The following TRPM3 variants were observed in gnomAD, a reference collection of about 807,000 sequenced individuals.
TRPM3 encodes long transient receptor potential channel 3.
Under a neutral mutation model 181.2 loss-of-function variants are expected in TRPM3, and 77 were observed. That is an observed-to-expected ratio of 0.42 (90% confidence interval 0.35 to 0.51). TRPM3 has a LOEUF of 0.51. Ranked by LOEUF, TRPM3 falls within the 20% of genes least tolerant of loss-of-function variation. TRPM3 has a pLI of 0.01. For synonymous variants in TRPM3, 745 were observed against 796.4 expected (o/e 0.94, Z 1.09); for missense variants, 1,759 against 2,196.7 (o/e 0.80, Z 3.98).
At position 70,846,512 on chromosome 9, in the gene TRPM3, T is replaced by C; in HGVS notation, c.542A>G (p.Lys181Arg). Residue 181 changes from lysine (K) to arginine (R), a missense_variant, in exon 4 of 26, where the codon AAG becomes AGG. By Grantham distance (26) the Lys-to-Arg change is conservative. Coordinates refer to ENST00000677713, the MANE Select transcript of TRPM3 (RefSeq NM_001366145.2). ...GCCCCCATGGACAGAGATGAGAAGC[T>C]TGGGAAGCTCCAACTGCCATTCCTT... ...MTKEWQLELPKLLISVHGGLQ... is the reference protein window; with the variant it reads ...MTKEWQLELPRLLISVHGGLQ... 6.2e-7 allele frequency: 1 copy of C among 1,614,088 alleles called. No homozygotes were observed. The highest frequency in any genetic ancestry group is 8.5e-7 in the Non-Finnish European group (1 of 1,180,002).
intron 22 of TRPM3, among the ~76,000 whole-genome samples, chr9:70,557,552 A>G (rs1352001062): frequency 6.6e-6 from 1 of 152,226 alleles, no homozygotes; most frequent in East Asian, 1.9e-4. Flanking sequence ...CTGGTGCCTT[A>G]AAACCCTGAT....
chr9:71,209,620 A>C (rs752313828), intron 1 of TRPM3, among the ~76,000 whole-genome samples: 16 of 152,204 alleles, frequency 1.1e-4, no homozygotes, highest in Non-Finnish European at 1.8e-4. Context: ...ATAGAGACAG[A>C]GGGGAAGTTA....
intron 1 of TRPM3, among the ~76,000 whole-genome samples, chr9:71,114,148 T>C (rs548955970): frequency 6.6e-6 from 1 of 152,302 alleles, no homozygotes; most frequent in South Asian, 2.1e-4. Flanking sequence ...CCTACCTACC[T>C]ACCTATGCAT....
intron 1 of TRPM3, among the ~76,000 whole-genome samples, chr9:71,201,345 A>G (rs13288311): frequency 0.43 from 65,018 of 151,554 alleles, 14,304 homozygotes; most frequent in East Asian, 0.52. Flanking sequence ...TCTGACAATT[A>G]TGTGTCTTGG....
chr9:70,938,778 C>A (rs966059309), intron 1 of TRPM3, among the ~76,000 whole-genome samples: 1 of 151,774 alleles, frequency 6.6e-6, no homozygotes, highest in African/African-American at 2.4e-5. Flanking sequence ...CAGCGAAACC[C>A]CGTCTCCACT....
At chr9:71,443,168 A>G (rs1230826569) in intron 1 of TRPM3, among the ~76,000 whole-genome samples, 1 of 152,218 alleles carries the variant, frequency 6.6e-6, no homozygotes, top group Non-Finnish European at 1.5e-5. Flanking sequence ...AGGAATGAAT[A>G]TAATTAAATA....
At chr9:71,163,953 G>T (rs115407519) in intron 1 of TRPM3, among the ~76,000 whole-genome samples, 4,065 of 152,256 alleles carry the variant, frequency 0.027, 173 homozygotes, top group African/African-American at 0.09. Context: ...GAAGTCAGTG[G>T]TCATTGTGGC....
intron 1 of TRPM3, among the ~76,000 whole-genome samples, chr9:71,290,015 G>T (rs191861869): frequency 1.2e-3 from 184 of 149,844 alleles, no homozygotes; most frequent in Non-Finnish European, 2.2e-3. Flanking sequence ...TTATGTTCTT[G>T]TATCAAAGTA....
intron 6 of TRPM3, among the ~76,000 whole-genome samples, chr9:70,798,167 A>G (rs1564345182): frequency 2.0e-5 from 3 of 152,088 alleles, no homozygotes; most frequent in African/African-American, 7.2e-5. Flanking sequence ...CGATCCTCCA[A>G]CATCAGCCTA....
At chr9:70,903,643 C>T (rs2096418449) in intron 1 of TRPM3, among the ~76,000 whole-genome samples, 1 of 151,946 alleles carries the variant, frequency 6.6e-6, no homozygotes, top group African/African-American at 2.4e-5. Flanking sequence ...AGCAAAATGT[C>T]TAATATGAAA....
At chr9:70,680,609 T>G (rs746588365) in intron 9 of TRPM3, among the ~76,000 whole-genome samples, 12 of 152,190 alleles carry the variant, frequency 7.9e-5, no homozygotes, top group Non-Finnish European at 1.2e-4. Context: ...AAACAGGTAG[T>G]GACCAACCAT....
At chr9:71,082,360 T>G (rs1464201014) in intron 1 of TRPM3, among the ~76,000 whole-genome samples, 1 of 152,188 alleles carries the variant, frequency 6.6e-6, no homozygotes, top group African/African-American at 2.4e-5. Flanking sequence ...CTCACACTCA[T>G]GACATGTTGT....
intron 1 of TRPM3, among the ~76,000 whole-genome samples, chr9:71,070,039 T>C (rs1201419784): frequency 6.6e-6 from 1 of 152,262 alleles, no homozygotes; most frequent in Non-Finnish European, 1.5e-5. Flanking sequence ...GCTTAGTTTT[T>C]ATTTTAATGA....
Position 70,533,775 on chromosome 9 carries a change from A to C in TRPM3, c.*2178T>G, listed in dbSNP as rs1282250999. The C allele has an allele frequency of 1.3e-5, 2 of 152,172 alleles. No homozygotes were observed. The highest frequency in any genetic ancestry group is 4.8e-5 in the African/African-American group (2 of 41,436). The allele number at this position is 152,172 out of a possible 1,614,324, so 9.4% of individuals were successfully genotyped here. ...TTTCTAGAACAGCTGTAAATAAGGG[A>C]GTCTGGGTGTTTGTTAGCAATTCAC... On this transcript the variant is annotated 3_prime_UTR_variant, in exon 26 of 26. Transcript: ENST00000677713.
chr9:70,763,730 C>T (rs149310210), intron 7 of TRPM3, among the ~76,000 whole-genome samples: 1 of 152,178 alleles, frequency 6.6e-6, no homozygotes, highest in East Asian at 1.9e-4. Context: ...ATATGCACTC[C>T]CAGCCTTCAA....
chr9:70,805,534 G>GAAAAA (rs534322844), intron 6 of TRPM3, among the ~76,000 whole-genome samples: 1 of 82,692 alleles, frequency 1.2e-5, no homozygotes, highest in Non-Finnish European at 2.8e-5. Context: ...ACTCCATCTC[G>GAAAAA]AAAAAAAAAA....
chr9:70,626,972 G>A (rs1196007809), intron 12 of TRPM3, among the ~76,000 whole-genome samples: 1 of 152,066 alleles, frequency 6.6e-6, no homozygotes, highest in Non-Finnish European at 1.5e-5. Flanking sequence ...GCATATGGTG[G>A]GCACTCAGAG....
intron 1 of TRPM3, among the ~76,000 whole-genome samples, chr9:71,433,771 T>G (rs1055679176): frequency 2.0e-5 from 3 of 152,246 alleles, no homozygotes; most frequent in South Asian, 2.1e-4. Flanking sequence ...AGATAGCAGC[T>G]CTAGGTCGGA....
chr9:71,389,004 AAAG>A (rs1463495187), intron 1 of TRPM3, among the ~76,000 whole-genome samples: 5 of 152,128 alleles, frequency 3.3e-5, no homozygotes, highest in Non-Finnish European at 7.4e-5. Flanking sequence ...TACATGATAA[AAAG>A]AAGAGATGTC....
Sources: gnomAD v4.1 joint callset for allele counts (sites outside exome capture counted in the v4.1 genomes callset) on GRCh38, gnomAD v4.1.1 for gene constraint, MANE v1.5 for transcripts, NCBI Gene and HGNC (gene_info 2026-07-23, HGNC 2026-07-21) for gene names.